CCDC88A: variants seen among roughly 807,000 people sequenced by gnomAD.
CCDC88A encodes coiled-coil and HOOK domain protein 88A.
Under a neutral mutation model 234.3 loss-of-function variants are expected in CCDC88A, and 54 were observed. The observed-to-expected ratio is 0.23, with a 90% confidence interval of 0.19 to 0.29. CCDC88A has a LOEUF of 0.29. Among genes scored for constraint, CCDC88A ranks in the 10% least tolerant of loss-of-function variants. The pLI, the probability that CCDC88A is intolerant of heterozygous loss-of-function variation, is 1.00. For synonymous variants in CCDC88A, 753 were observed against 737.8 expected, an observed-to-expected ratio of 1.02 and a Z score of -0.33; for missense variants, 1,832 against 2,123.4, an observed-to-expected ratio of 0.86 and a Z score of 2.70.
chr2:55,372,484 G>A lies in CCDC88A; in HGVS notation c.370C>T (p.Leu124=), dbSNP rs142293231. ...SEQGTEEVKK[L]LLLLLGCAVQ... is the part of the protein sequence containing the mutation. ...GCACAACCCAATAAAAGTAAAAGCA[G>A]TTTTTTAACTTCTTCTGTGCCTTGT... The change falls in exon 5 of 33, where the codon CTG becomes TTG. Residue 124 remains leucine (L), a synonymous_variant. Coordinates refer to ENST00000436346, the MANE Select transcript of CCDC88A (RefSeq NM_001365480.1). 157 of 1,525,598 alleles carry A rather than the reference G, an allele frequency of 1.0e-4. No individual in the cohort carries two copies. The African/African-American group carries it at 1.9e-3, about 19-fold the overall frequency. The allele number at this position is 1,525,598 out of a possible 1,614,324, so 94.5% of individuals were successfully genotyped here. A position where few individuals can be genotyped will look rare whatever the true frequency, so the allele number is the denominator to read the frequency against.
chr2:55,376,550 T>C (rs1673677783), intron 3 of CCDC88A, among the ~76,000 whole-genome samples: 1 of 152,228 alleles, frequency 6.6e-6, no homozygotes, highest in African/African-American at 2.4e-5. Flanking sequence ...TCTTTATAGA[T>C]ATATACAAGA....
chr2:55,301,026 T>C (rs1313214972), intron 28 of CCDC88A, 180 bp downstream of exon 28: 1 of 537,106 alleles, frequency 1.9e-6, no homozygotes, highest in African/African-American at 2.0e-5. Context: ...GATGAAGCAA[T>C]TATCTTAAAA....
At chr2:55,396,224 C>A (rs1313795952) in intron 2 of CCDC88A, among the ~76,000 whole-genome samples, 5 of 152,098 alleles carry the variant, frequency 3.3e-5, no homozygotes, top group Non-Finnish European at 7.4e-5. Flanking sequence ...ATTGGGAGAA[C>A]AGAGTAAGAA....
At chr2:55,292,578 G>A (rs1029621690) in intron 31 of CCDC88A, 27 of 152,228 alleles carry the variant, frequency 1.8e-4, no homozygotes, top group Admixed American at 1.2e-3. Context: ...ATGAAAAAAC[G>A]TTGATAAGAA....
chr2:55,381,433 T>C (rs1333674847), intron 3 of CCDC88A, among the ~76,000 whole-genome samples: 1 of 151,446 alleles, frequency 6.6e-6, no homozygotes, highest in Non-Finnish European at 1.5e-5. Context: ...TGCGCCTGTA[T>C]TCCCAGCTAC....
intron 3 of CCDC88A, among the ~76,000 whole-genome samples, chr2:55,383,749 C>T (rs899611104): frequency 1.3e-5 from 2 of 151,954 alleles, no homozygotes; most frequent in African/African-American, 4.8e-5. Context: ...TCCCCAAAAT[C>T]TGATTTTTCT....
intron 2 of CCDC88A, among the ~76,000 whole-genome samples, chr2:55,414,260 A>T (rs1179391562): frequency 6.6e-6 from 1 of 152,248 alleles, no homozygotes; most frequent in Non-Finnish European, 1.5e-5. Flanking sequence ...GTATGAAATT[A>T]ACTACAATGT....
chr2:55,372,406 TA>T, intron 5 of CCDC88A, 45 bp downstream of exon 5: 1 of 923,852 alleles, frequency 1.1e-6, no homozygotes, highest in Non-Finnish European at 1.7e-6. Flanking sequence ...TAAAAATATA[TA>T]AAGAGGTTGT....
chr2:55,295,751 A>G lies in CCDC88A; in HGVS notation c.5397T>C (p.Tyr1799=), dbSNP rs763205333. The change falls in exon 31 of 33, where the codon TAT becomes TAC. Residue 1799 remains tyrosine (Y), a synonymous_variant. Coordinates refer to ENST00000436346, the MANE Select transcript of CCDC88A (RefSeq NM_001365480.1). ...LSRQSKDSNP[Y]ATLPRASSVI... The stretch of plus-strand genomic sequence containing the variant: ...CGCTGCTTGCACGAGGTAAAGTTGC[A>G]TAAGGGTTACTATCTTTTGATTGTC... The G allele has an allele frequency of 6.8e-6, 11 of 1,614,094 alleles. No individual in the cohort carries two copies. Among genetic ancestry groups the G allele is most frequent in the Admixed American group, 1.7e-5 (1 of 59,998 alleles).
intron 27 of CCDC88A, chr2:55,301,635 G>A (rs535403783): frequency 3.4e-5 from 19 of 560,496 alleles, no homozygotes; most frequent in East Asian, 3.3e-4. Context: ...TTTACTTCTC[G>A]TTTTCTTGTT....
rs10606095 is a variant in CCDC88A at position 55,370,843 on chromosome 2, T to TAA, written c.402+1607_402+1608dup. ...GGCAACACAGTGAGGCCCCATTTCT[T>TAA]AAAAAAAAAAAAAAAAAAATTAACC... On this transcript the variant is annotated intron_variant, in intron 5 of 32. Coordinates refer to ENST00000436346, the MANE Select transcript of CCDC88A (RefSeq NM_001365480.1). Among the ~76,000 whole-genome samples, 944 of 135,360 alleles carry TAA rather than the reference T, an allele frequency of 7.0e-3. 16 individuals carry two copies. Among genetic ancestry groups the TAA allele is most frequent in the African/African-American group, 0.025 (915 of 36,826 alleles). 88.8% of individuals were successfully genotyped at this position (135,360 alleles called of 152,430 possible). A position where few individuals can be genotyped will look rare whatever the true frequency, so the allele number is the denominator to read the frequency against.
chr2:55,415,322 G>C (rs1263881243), intron 2 of CCDC88A, among the ~76,000 whole-genome samples: 1 of 151,906 alleles, frequency 6.6e-6, no homozygotes, highest in African/African-American at 2.4e-5. Flanking sequence ...AAACAAAAAA[G>C]TATACAAACA....
chr2:55,292,667 C>G (rs773174677), intron 31 of CCDC88A: 1 of 152,174 alleles, frequency 6.6e-6, no homozygotes, highest in Non-Finnish European at 1.5e-5. Context: ...TGGAGACTAG[C>G]TTGGCCAACA....
intron 2 of CCDC88A, among the ~76,000 whole-genome samples, chr2:55,391,937 C>G (rs1259960427): frequency 6.6e-6 from 1 of 152,178 alleles, no homozygotes; most frequent in Admixed American, 6.5e-5. Context: ...TCTTTAATCT[C>G]TTTCAGGCTG....
At chr2:55,413,326 G>A (rs961645636) in intron 2 of CCDC88A, among the ~76,000 whole-genome samples, 1 of 152,122 alleles carries the variant, frequency 6.6e-6, no homozygotes, top group Non-Finnish European at 1.5e-5. Context: ...ACCAGCACTG[G>A]GGATATAGTG....
chr2:55,418,677 C>T lies in CCDC88A; in HGVS notation c.164+139G>A, dbSNP rs951184718. On this transcript the variant is annotated intron_variant, in intron 2 of 32. Coordinates refer to ENST00000436346, the MANE Select transcript of CCDC88A (RefSeq NM_001365480.1). ...GGCTGAGCCCATAACATTAGCATTC[C>T]TTTCAAGATCCAATTCTTAAACCAC... 5 of 662,684 alleles carry T rather than the reference C, an allele frequency of 7.5e-6. No homozygotes were observed. In the African/African-American group the frequency reaches 9.1e-5, roughly 12 times the overall value. The allele number at this position is 662,684 out of a possible 1,614,324, so 41.1% of individuals were successfully genotyped here.
intron 2 of CCDC88A, among the ~76,000 whole-genome samples, chr2:55,390,537 G>T (rs1217120320): frequency 6.6e-6 from 1 of 152,108 alleles, no homozygotes; most frequent in Non-Finnish European, 1.5e-5. Flanking sequence ...AAATATGAAG[G>T]GGAAGCTATT....
intron 25 of CCDC88A, among the ~76,000 whole-genome samples, chr2:55,305,446 T>A (rs966753875): frequency 6.6e-6 from 1 of 152,204 alleles, no homozygotes; most frequent in African/African-American, 2.4e-5. Flanking sequence ...ATTCTGGATG[T>A]TTCAGCAGAG....
At position 55,308,913 on chromosome 2, in the gene CCDC88A, C is replaced by T. The variant is rs146007660; in HGVS notation, c.4283G>A (p.Ser1428Asn). The T allele has an allele frequency of 6.2e-7, 1 of 1,614,024 alleles. No homozygotes were observed. Among genetic ancestry groups the T allele is most frequent in the Non-Finnish European group, 8.5e-7 (1 of 1,179,900 alleles). The change falls in exon 25 of 33, where the codon AGT becomes AAT. Residue 1428 changes from serine to asparagine, a missense_variant. Transcript: ENST00000436346. ...ATGAGGGAGCTGAAGAAATCCTTCA[C>T]TGGAGTCTGAGCGGGTGGGTGTTAA... The part of the protein sequence containing the change: ...LTLTPTRSDS[S>N]EGFLQLPHQD...
Sources: gnomAD v4.1 joint callset for allele counts (sites outside exome capture counted in the v4.1 genomes callset) on GRCh38, gnomAD v4.1.1 for gene constraint, MANE v1.5 for transcripts, NCBI Gene and HGNC (gene_info 2026-07-23, HGNC 2026-07-21) for gene names.